Variants in PLEKHM3 observed in about 807,000 individuals in gnomAD.
PLEKHM3 encodes the protein pleckstrin homology domain containing M3.
Under a neutral mutation model 81.8 loss-of-function variants are expected in PLEKHM3, and 45 were observed. That is an observed-to-expected ratio of 0.55 (90% CI 0.43 to 0.71). PLEKHM3 has a LOEUF of 0.71. Ranked by LOEUF, PLEKHM3 falls within the 30% of genes least tolerant of loss-of-function variation. PLEKHM3 has a pLI of 0.00. For missense variants in PLEKHM3, 788 were observed against 924.3 expected (o/e 0.85, Z 1.91); for synonymous variants, 352 against 356.4 (o/e 0.99, Z 0.14).
chr2:207,998,379 G>A lies in PLEKHM3; in HGVS notation c.610+2651C>T, dbSNP rs151032638. ...AATAAAAAATTAGCCAGGCATGGTG[G>A]TACATGCCTGTAGTCCCAGCTATTT... On this transcript the variant is annotated intron_variant, in intron 2 of 7. Transcript: ENST00000427836. Among the ~76,000 whole-genome samples, 280 of 152,294 alleles carry A rather than the reference G, an allele frequency of 1.8e-3. 1 individual carries two copies. Among genetic ancestry groups the A allele is most frequent in the African/African-American group, 5.4e-3 (224 of 41,560 alleles).
rs888978242 is a variant in PLEKHM3 at position 208,001,123 on chromosome 2, G to T, written c.517C>A (p.Gln173Lys). 50 of 1,602,840 alleles carry T rather than the reference G, an allele frequency of 3.1e-5. No individual in the cohort carries two copies. Among genetic ancestry groups the T allele is most frequent in the Non-Finnish European group, 4.2e-5 (49 of 1,174,756 alleles). The change falls in exon 2 of 8, where the codon CAG (glutamine) becomes AAG (lysine). Residue 173 changes from glutamine (Q) to lysine (K), a missense_variant. Physicochemically the swap from Gln to Lys is moderately conservative, Grantham distance 53 (BLOSUM62 1). Coordinates refer to ENST00000427836, the MANE Select transcript of PLEKHM3 (RefSeq NM_001080475.3). ...GGGCCTTGAAGCAATGGCTGCTGCT[G>T]TTGCTGCTGCTGCAAAGGCGTGGTT... ...LKTTPLQQQQ[Q>K]QQPLLQGPHV...
chr2:207,922,776 C>T (rs1043060392), intron 5 of PLEKHM3, among the ~76,000 whole-genome samples: 1 of 151,082 alleles, frequency 6.6e-6, no homozygotes, highest in Non-Finnish European at 1.5e-5. Context: ...CGTGCCACTG[C>T]ACTCCAGCCT....
chr2:208,020,812 G>C (rs1693105447), intron 1 of PLEKHM3, among the ~76,000 whole-genome samples: 1 of 152,202 alleles, frequency 6.6e-6, no homozygotes, highest in Non-Finnish European at 1.5e-5. Flanking sequence ...TGGGGCCACA[G>C]ACACTCTCTG....
chr2:207,922,292 G>A lies in PLEKHM3; in HGVS notation c.1886+8634C>T, dbSNP rs1689208923. ...GCCCTACCTATCTAAAAGGGCTGCT[G>A]TAAAGAACAAATAATATATTTAAGG... On this transcript the variant is annotated intron_variant, in intron 5 of 7. Coordinates refer to ENST00000427836, the MANE Select transcript of PLEKHM3 (RefSeq NM_001080475.3). 5.9e-5 allele frequency among the ~76,000 whole-genome samples: 9 copies of A among 152,160 alleles called. 1 individual carries two copies. The South Asian group carries it at 1.5e-3, about 25-fold the overall frequency.
At position 207,976,823 on chromosome 2, in the gene PLEKHM3, C is replaced by T. The variant is rs1222598030; in HGVS notation, c.1374G>A (p.Ala458=). 2 of 1,614,098 alleles carry T rather than the reference C, an allele frequency of 1.2e-6. No individual in the cohort carries two copies. The highest frequency in any genetic ancestry group is 1.3e-5 in the African/African-American group (1 of 74,936). ...MEALKIAANV[A]RSSEQNLQVT... ...CTTGCAGGTTTTGCTCTGAACTCCTCGCCACATTGGCAGCTATCTTCAGAG... is the reference window on the plus strand; with the variant it reads ...CTTGCAGGTTTTGCTCTGAACTCCTTGCCACATTGGCAGCTATCTTCAGAG... The change falls in exon 3 of 8, where the codon GCG becomes GCA. Residue 458 remains alanine, a synonymous_variant. Transcript: ENST00000427836. This position sits in a 1 kb window ranked among gnomAD's most constrained non-coding sequence, Gnocchi z 4.1.
At chr2:207,906,156 T>C (rs1688596468) in intron 6 of PLEKHM3, among the ~76,000 whole-genome samples, 1 of 152,246 alleles carries the variant, frequency 6.6e-6, no homozygotes, top group African/African-American at 2.4e-5. Flanking sequence ...TTTACAAGAA[T>C]GTTCAGTGCC....
At chr2:208,003,958 T>C (rs1420679240) in intron 1 of PLEKHM3, among the ~76,000 whole-genome samples, 1 of 152,258 alleles carries the variant, frequency 6.6e-6, no homozygotes, top group Non-Finnish European at 1.5e-5. Context: ...TGAAGATTAC[T>C]GATATTCCTT....
At chr2:207,982,207 T>G (rs1179665429) in intron 2 of PLEKHM3, among the ~76,000 whole-genome samples, 2 of 149,262 alleles carry the variant, frequency 1.3e-5, no homozygotes, top group African/African-American at 2.5e-5. Context: ...CTTCCTTCCT[T>G]CGTTCCTCCC....
In PLEKHM3 at chr2:207,844,313, T is replaced by G. The variant is rs569672860; in HGVS notation, c.2109-15817A>C. On this transcript the variant is annotated intron_variant, in intron 7 of 7. Coordinates refer to ENST00000427836, the MANE Select transcript of PLEKHM3 (RefSeq NM_001080475.3). ...CATACATTTATTTTTCTTTTTTTTT[T>G]TTTTTTTGAGACGGAGTCTCGCTCT... Among the ~76,000 whole-genome samples the G allele has an allele frequency of 2.2e-3, 333 of 150,102 alleles. 3 individuals carry two copies. Among genetic ancestry groups the G allele is most frequent in the Admixed American group, 5.0e-3 (76 of 15,162 alleles).
rs956640047 is a variant in PLEKHM3 at position 207,823,355 on chromosome 2, G to T, written c.*4964C>A. ...CTTGCTCTGTCGCCCAGGCTGGAGT[G>T]CAGTGGCGCAATCTCGGCTCACTGC... On this transcript the variant is annotated 3_prime_UTR_variant, in exon 8 of 8. Transcript: ENST00000427836. 5 of 150,816 alleles carry T rather than the reference G, an allele frequency of 3.3e-5. No individual in the cohort carries two copies. The highest frequency in any genetic ancestry group is 7.3e-5 in the African/African-American group (3 of 40,938). The allele number at this position is 150,816 out of a possible 1,614,324, so 9.3% of individuals were successfully genotyped here.
At chr2:207,902,960 A>G (rs943324423) in intron 6 of PLEKHM3, among the ~76,000 whole-genome samples, 2 of 152,060 alleles carry the variant, frequency 1.3e-5, no homozygotes. Context: ...AGGCAGTGCT[A>G]GGCAATTCCA....
chr2:207,988,068 T>A (rs1691784717), intron 2 of PLEKHM3, among the ~76,000 whole-genome samples: 1 of 152,224 alleles, frequency 6.6e-6, no homozygotes, highest in South Asian at 2.1e-4. Context: ...ATCCTGATAA[T>A]CTATTCTTTT....
At chr2:207,908,703 C>T (rs1365136631) in intron 5 of PLEKHM3, 126 bp from the exon 6 acceptor site, 12 of 745,530 alleles carry the variant, frequency 1.6e-5, no homozygotes, top group Non-Finnish European at 2.4e-5. Flanking sequence ...TATACTTCTC[C>T]TAAGCCCTCT....
At chr2:207,905,192 T>C (rs2105895996) in intron 6 of PLEKHM3, among the ~76,000 whole-genome samples, 1 of 152,364 alleles carries the variant, frequency 6.6e-6, no homozygotes, top group Admixed American at 6.5e-5. Context: ...TAGTTTATTT[T>C]CCTTTCCCCT....
At chr2:207,841,032 A>G (rs1015708318) in intron 7 of PLEKHM3, among the ~76,000 whole-genome samples, 2 of 151,424 alleles carry the variant, frequency 1.3e-5, no homozygotes, top group Non-Finnish European at 2.9e-5. Flanking sequence ...TTGGCCAGGC[A>G]GGTCTCAAAC....
At chr2:207,967,861 T>A (rs958617387) in intron 3 of PLEKHM3, among the ~76,000 whole-genome samples, 7 of 152,132 alleles carry the variant, frequency 4.6e-5, no homozygotes, top group African/African-American at 1.7e-4. Context: ...GTAGTTTACC[T>A]AGGGTCGCAC....
At chr2:207,920,264 A>T (rs115847904) in intron 5 of PLEKHM3, among the ~76,000 whole-genome samples, 1 of 152,334 alleles carries the variant, frequency 6.6e-6, no homozygotes, top group Non-Finnish European at 1.5e-5. Context: ...GCTCCCTGAG[A>T]ACACAATTCT....
chr2:207,944,372 G>A (rs948363385), intron 4 of PLEKHM3, among the ~76,000 whole-genome samples: 2 of 152,206 alleles, frequency 1.3e-5, no homozygotes, highest in African/African-American at 4.8e-5. Context: ...TGGCAAAACT[G>A]TGATGGAGAC....
intron 2 of PLEKHM3, among the ~76,000 whole-genome samples, chr2:207,981,417 C>T (rs1691519010): frequency 6.6e-6 from 1 of 152,160 alleles, no homozygotes; most frequent in Non-Finnish European, 1.5e-5. Context: ...AATCATAGCT[C>T]ACTGCAGCCT....
Sources: allele counts gnomAD v4.1 joint callset (sites outside exome capture counted in the v4.1 genomes callset), GRCh38; gene constraint gnomAD v4.1.1; non-coding constraint Gnocchi (gnomAD v3.1); transcripts MANE v1.5; gene names NCBI Gene and HGNC (gene_info 2026-07-23, HGNC 2026-07-21).